Variants in LUZP2 observed in about 807,000 individuals in gnomAD.
LUZP2 encodes leucine zipper protein 2.
Under a neutral mutation model 51.6 loss-of-function variants are expected in LUZP2, and 52 were observed. The ratio of observed to expected loss-of-function variants is 1.01; its 90% CI spans 0.81 to 1.27. LUZP2 has a LOEUF of 1.27. LUZP2 is among the 50% of genes most tolerant of loss of function. The pLI is 0.00. For missense variants in LUZP2, 436 were observed against 395.4 expected (o/e 1.10, Z -0.87); for synonymous variants, 154 against 137.3 (o/e 1.12, Z -0.85).
At chr11:25,039,172 G>C (rs1857959729) in intron 9 of LUZP2, among the ~76,000 whole-genome samples, 1 of 152,116 alleles carries the variant, frequency 6.6e-6, no homozygotes, top group African/African-American at 2.4e-5. Context: ...CAGGTGTTGG[G>C]GCTCCCTTGG....
At chr11:25,073,993 T>C (rs897240860) in intron 10 of LUZP2, among the ~76,000 whole-genome samples, 2 of 152,224 alleles carry the variant, frequency 1.3e-5, no homozygotes, top group African/African-American at 4.8e-5. Context: ...ATCAAGGTCA[T>C]CAATGGATAA....
At chr11:24,746,338 T>G (rs1228123458) in intron 4 of LUZP2, among the ~76,000 whole-genome samples, 1 of 152,200 alleles carries the variant, frequency 6.6e-6, no homozygotes, top group Admixed American at 6.5e-5. Flanking sequence ...TACAAAATTC[T>G]TAGCTGGTAA....
At chr11:24,859,769 A>T (rs549957482) in intron 5 of LUZP2, among the ~76,000 whole-genome samples, 16 of 152,322 alleles carry the variant, frequency 1.1e-4, no homozygotes, top group African/African-American at 3.8e-4. Flanking sequence ...CCCCCAGCCA[A>T]AGGAGGCGAT....
At chr11:24,664,288 C>T (rs1029770215) in intron 1 of LUZP2, among the ~76,000 whole-genome samples, 10 of 152,182 alleles carry the variant, frequency 6.6e-5, no homozygotes, top group Non-Finnish European at 1.2e-4. Flanking sequence ...ATCTTTAGAA[C>T]TTTGAATTTG....
chr11:24,619,729 A>G (rs946345278), intron 1 of LUZP2, among the ~76,000 whole-genome samples: 15 of 152,192 alleles, frequency 9.9e-5, no homozygotes, highest in African/African-American at 3.6e-4. Flanking sequence ...GATCTTGTAT[A>G]CTTTAAATCA....
At chr11:25,029,165 T>A (rs997947889) in intron 9 of LUZP2, among the ~76,000 whole-genome samples, 4 of 152,104 alleles carry the variant, frequency 2.6e-5, no homozygotes, top group Admixed American at 1.3e-4. Context: ...AGACCTACTA[T>A]TTGATAGCAC....
intron 5 of LUZP2, among the ~76,000 whole-genome samples, chr11:24,846,469 G>A (rs1851204314): frequency 6.6e-6 from 1 of 151,872 alleles, no homozygotes; most frequent in Non-Finnish European, 1.5e-5. Context: ...AAAAAAGTAT[G>A]CCAATACATT....
At chr11:24,933,765 A>T (rs140330544) in intron 7 of LUZP2, among the ~76,000 whole-genome samples, 1 of 152,264 alleles carries the variant, frequency 6.6e-6, no homozygotes, top group Non-Finnish European at 1.5e-5. Context: ...GTGAGCAATA[A>T]ATCTTTTTAA....
Position 24,769,800 on chromosome 11 carries a change from TG to T in LUZP2, c.396+6493del, listed in dbSNP as rs1461089146. On this transcript the variant is annotated intron_variant, in intron 5 of 11. Coordinates refer to ENST00000336930, the MANE Select transcript of LUZP2 (RefSeq NM_001009909.4). The stretch of plus-strand genomic sequence containing the variant: ...CACTAAATTCTCTTTTTTGTTTGTT[TG>T]TTTTGTTTTGAGACAGAGTCTCGCT... Among the ~76,000 whole-genome samples, 962 of 151,286 alleles carry T rather than the reference TG, an allele frequency of 6.4e-3. 13 individuals carry two copies. The highest frequency in any genetic ancestry group is 0.022 in the African/African-American group (896 of 40,734).
At chr11:24,718,273 A>C (rs1197514766) in intron 1 of LUZP2, among the ~76,000 whole-genome samples, 1 of 152,198 alleles carries the variant, frequency 6.6e-6, no homozygotes, top group Non-Finnish European at 1.5e-5. Flanking sequence ...CCAATACTTA[A>C]TGCTTGTTGA....
At chr11:24,717,340 A>G (rs1322589043) in intron 1 of LUZP2, among the ~76,000 whole-genome samples, 2 of 151,672 alleles carry the variant, frequency 1.3e-5, no homozygotes, top group Non-Finnish European at 2.9e-5. Flanking sequence ...GGTTTGTTAC[A>G]TAGGTGAACT....
chr11:24,779,185 A>T (rs940316943), intron 5 of LUZP2, among the ~76,000 whole-genome samples: 8 of 152,192 alleles, frequency 5.3e-5, no homozygotes, highest in Non-Finnish European at 1.2e-4. Flanking sequence ...TGATTTTTTT[A>T]AAATAAAACA....
intron 10 of LUZP2, among the ~76,000 whole-genome samples, chr11:25,075,754 A>G (rs533330159): frequency 6.6e-6 from 1 of 152,312 alleles, no homozygotes; most frequent in Admixed American, 6.5e-5. Context: ...AGAAACGTAC[A>G]GATACATGGT....
intron 5 of LUZP2, among the ~76,000 whole-genome samples, chr11:24,771,787 A>G (rs1860429259): frequency 6.6e-6 from 1 of 152,030 alleles, no homozygotes; most frequent in Non-Finnish European, 1.5e-5. Flanking sequence ...CCAGTAGTGA[A>G]TAAGTCTCAT....
chr11:24,732,901 C>T (rs1458974208), intron 3 of LUZP2, among the ~76,000 whole-genome samples: 1 of 151,678 alleles, frequency 6.6e-6, no homozygotes, highest in African/African-American at 2.4e-5. Flanking sequence ...CAAATTGTTG[C>T]TCAGAGTGCT....
rs551391073 is a variant in LUZP2, at chr11:25,019,592, T to C, written c.766-30446T>C. Reference sequence around the variant, plus strand: ...AACAATAAAGTCTGCAAAGAAAATATGTTTCTTCATTTTTATGTCCTCCTT... The same window carrying C: ...AACAATAAAGTCTGCAAAGAAAATACGTTTCTTCATTTTTATGTCCTCCTT... On this transcript the variant is annotated intron_variant, in intron 9 of 11. Coordinates refer to ENST00000336930, the MANE Select transcript of LUZP2 (RefSeq NM_001009909.4). Among the ~76,000 whole-genome samples the C allele has an allele frequency of 2.0e-5, 3 of 152,282 alleles. No individual in the cohort carries two copies. The South Asian group carries it at 6.2e-4, about 32-fold the overall frequency.
intron 7 of LUZP2, among the ~76,000 whole-genome samples, chr11:24,951,040 A>G (rs1223430951): frequency 1.3e-5 from 2 of 151,680 alleles, no homozygotes; most frequent in African/African-American, 4.8e-5. Flanking sequence ...GAGAGAAGAT[A>G]TAAGTTTCAT....
chr11:24,629,023 C>T (rs1854784831), intron 1 of LUZP2, among the ~76,000 whole-genome samples: 1 of 151,836 alleles, frequency 6.6e-6, no homozygotes, highest in South Asian at 2.1e-4. Context: ...ATGTAATAAA[C>T]AAGGTAGTTA....
At chr11:24,924,459 A>G (rs1854168241) in intron 7 of LUZP2, among the ~76,000 whole-genome samples, 1 of 152,066 alleles carries the variant, frequency 6.6e-6, no homozygotes, top group Non-Finnish European at 1.5e-5. Flanking sequence ...GAAATCTCCC[A>G]AATGCTGTTT....
Sources: gnomAD v4.1 joint callset for allele counts (sites outside exome capture counted in the v4.1 genomes callset) on GRCh38, gnomAD v4.1.1 for gene constraint, MANE v1.5 for transcripts, NCBI Gene and HGNC (gene_info 2026-07-23, HGNC 2026-07-21) for gene names.